The following DSP variants were observed in gnomAD, a reference collection of about 807,000 sequenced individuals.
DSP encodes desmoplakin, also known as 250/210 kDa paraneoplastic pemphigus antigen.
DSP carries 114 observed loss-of-function variants against 290.6 expected under a neutral mutation model. The ratio of observed to expected loss-of-function variants is 0.39; its 90% CI spans 0.34 to 0.46. DSP has a LOEUF of 0.46. DSP is among the 20% of genes least tolerant of loss of function. DSP has a pLI of 0.99. For synonymous variants in DSP, 1,311 were observed against 1,316.4 expected, an observed-to-expected ratio of 1.00 and a Z score of 0.09; for missense variants, 3,230 against 3,495.8, an observed-to-expected ratio of 0.92 and a Z score of 1.92.
chr6:7,554,597 A>G (rs1247638859), intron 1 of DSP, among the ~76,000 whole-genome samples: 3 of 152,098 alleles, frequency 2.0e-5, no homozygotes, highest in African/African-American at 7.2e-5. Context: ...TCTTCACACC[A>G]TGATTTTTAA....
In DSP at chr6:7,574,182, CA is replaced by C; in HGVS notation, c.2228del (p.Gln743ArgfsTer22). The C allele has an allele frequency of 6.2e-7, 1 of 1,614,008 alleles. No individual in the cohort carries two copies. The highest frequency in any genetic ancestry group is 8.5e-7 in the Non-Finnish European group (1 of 1,179,914). On this transcript the variant is annotated frameshift_variant, in exon 16 of 24. Transcript: ENST00000379802. LOFTEE classifies it high-confidence loss of function. ...AGGTTCTGAAAAGTACTGCTATTTA[CA>C]GAATGAAGTATTTGGACTATTTCAG... ...FRGSEKYCYLQNEVFGLFQKL... is the reference protein window; with the variant it reads ...FRGSEKYCYLXNEVFGLFQKL...
intron 15 of DSP, 117 bp downstream of exon 15, chr6:7,572,185 C>A: frequency 1.1e-6 from 1 of 951,194 alleles, no homozygotes; most frequent in Admixed American, 2.1e-5. Context: ...TTCAAGAAAA[C>A]AGGCTTCTGG....
intron 4 of DSP, among the ~76,000 whole-genome samples, chr6:7,559,920 G>A (rs532046357): frequency 6.6e-6 from 1 of 152,340 alleles, no homozygotes; most frequent in African/African-American, 2.4e-5. Context: ...TGAAGTCTCA[G>A]TTGTCTCATT....
intron 1 of DSP, among the ~76,000 whole-genome samples, chr6:7,551,396 G>A (rs1758338437): frequency 6.6e-6 from 1 of 152,190 alleles, no homozygotes; most frequent in African/African-American, 2.4e-5. Flanking sequence ...GGAGGCCAAG[G>A]CGGGTGGATC....
In DSP at chr6:7,585,713, C is replaced by A; in HGVS notation, c.8451C>A (p.Tyr2817Ter). The A allele has an allele frequency of 1.2e-6, 2 of 1,613,514 alleles. No individual in the cohort carries two copies. The highest frequency in any genetic ancestry group is 1.7e-6 in the Non-Finnish European group (2 of 1,179,702). ...SVSSKGLPSP[Y>*]NMSSAPGSRS... ...CGTCCAAGGGCTTACCCAGCCCTTA[C>A]AACATGTCTTCGGCTCCGGGGTCCC... The change falls in exon 24 of 24, where the codon TAC (tyrosine) becomes TAA (stop). Residue 2817 changes from tyrosine (Y) to a stop codon, truncating the protein, a stop_gained. Transcript: ENST00000379802. LOFTEE classifies it high-confidence loss of function.
Position 7,584,997 on chromosome 6 carries a change from G to A in DSP, c.7735G>A (p.Asp2579Asn), listed in dbSNP as rs750744914. The A allele has an allele frequency of 3.7e-6, 6 of 1,614,208 alleles. No homozygotes were observed. The highest frequency in any genetic ancestry group is 4.2e-6 in the Non-Finnish European group (5 of 1,180,040). ...CAGCAGCATGGGCAGTGGTGTCAGC[G>A]ATGATGTTTTTAGCAGCTCCCGACA... ...TSSSMGSGVS[D>N]DVFSSSRHES... is the part of the protein sequence containing the mutation. Residue 2579 changes from aspartate (D) to asparagine (N), a missense_variant, in exon 24 of 24, where the codon GAT (aspartate) becomes AAT (asparagine). By Grantham distance (23) the Asp-to-Asn change is conservative. This residue lies in a region of DSP where 582 missense variants were observed against 555.4 expected (regional missense o/e 1.05). Coordinates refer to ENST00000379802, the MANE Select transcript of DSP (RefSeq NM_004415.4). The surrounding 1 kb of genome is among the most constrained non-coding windows in gnomAD (Gnocchi z 6.4).
rs1758818956 is a variant in DSP at position 7,565,122 on chromosome 6, T to C, written c.778-237T>C. On this transcript the variant is annotated intron_variant, in intron 6 of 23. Transcript: ENST00000379802. The surrounding 1 kb of genome is among the most constrained non-coding windows in gnomAD (Gnocchi z 4.2). ...TCGCTCATGCCACTGCACTCCAGCC[T>C]GGGAGACGAGAGCGACAGTCCGTCT... 6.6e-6 allele frequency among the ~76,000 whole-genome samples: 1 copy of C among 151,948 alleles called. No individual in the cohort carries two copies. Among genetic ancestry groups the C allele is most frequent in the African/African-American group, 2.4e-5 (1 of 41,348 alleles).
chr6:7,582,537 C>CTT lies in DSP; in HGVS notation c.5380-96_5380-95dup. 14 of 908,234 alleles carry CTT rather than the reference C, an allele frequency of 1.5e-5. No individual in the cohort carries two copies. The highest frequency in any genetic ancestry group is 1.8e-5 in the South Asian group (1 of 55,566). 56.3% of individuals were successfully genotyped at this position (908,234 alleles called of 1,614,324 possible). On this transcript the variant is annotated intron_variant, in intron 23 of 23. Coordinates refer to ENST00000379802, the MANE Select transcript of DSP (RefSeq NM_004415.4). This position sits in a 1 kb window ranked among gnomAD's most constrained non-coding sequence, Gnocchi z 4.2. The stretch of plus-strand genomic sequence containing the variant: ...ATATAGAAAGAAAAAATAAGCAAGG[C>CTT]TTTTTTTTTTAAAGATAGATACACA...
In DSP at chr6:7,569,949, A is replaced by T. The variant is rs535244002; in HGVS notation, c.1575-488A>T. Among the ~76,000 whole-genome samples, 30 of 152,362 alleles carry T rather than the reference A, an allele frequency of 2.0e-4. No homozygotes were observed. In the South Asian group the frequency reaches 6.0e-3, roughly 30 times the overall value. On this transcript the variant is annotated intron_variant, in intron 12 of 23. Coordinates refer to ENST00000379802, the MANE Select transcript of DSP (RefSeq NM_004415.4). ...TTTCTTAGAAAATCAGTTGTTATAC[A>T]TGTAGCTACAAATATAAAATGCCTT...
At chr6:7,561,464 AGG>A (rs1302821670) in intron 4 of DSP, among the ~76,000 whole-genome samples, 4 of 152,140 alleles carry the variant, frequency 2.6e-5, no homozygotes, top group African/African-American at 9.7e-5. Flanking sequence ...CCAGCTGATA[AGG>A]GAACTGTTGC....
At chr6:7,578,683 G>T (rs1330279258) in intron 22 of DSP, 121 bp downstream of exon 22, 22 of 828,844 alleles carry the variant, frequency 2.7e-5, no homozygotes, top group Non-Finnish European at 4.4e-5. Context: ...TCCTCTAAAG[G>T]TTTAGTGTAA....
rs746675465 is a variant in DSP, at chr6:7,577,793, G to A, written c.2892G>A (p.Gln964=). The change falls in exon 21 of 24, where the codon CAG becomes CAA. Residue 964 remains glutamine (Q), a synonymous_variant. Transcript: ENST00000379802. ...TTATGCTGCAGGATTATGAGCTCCA[G>A]CTGGCCTCATACACCTCAGGACTGG... ...CANSIKDYEL[Q]LASYTSGLET... 4 of 1,613,864 alleles carry A rather than the reference G, an allele frequency of 2.5e-6. No individual in the cohort carries two copies. The highest frequency in any genetic ancestry group is 2.2e-5 in the South Asian group (2 of 91,080).
chr6:7,557,775 C>G lies in DSP; in HGVS notation c.274-341C>G, dbSNP rs960087450. Among the ~76,000 whole-genome samples, 4 of 46,492 alleles carry G rather than the reference C, an allele frequency of 8.6e-5. No individual in the cohort carries two copies. The African/African-American group carries it at 8.8e-4, about 10-fold the overall frequency. The allele number at this position is 46,492 out of a possible 152,430, so 30.5% of individuals were successfully genotyped here. ...TGCATAAGAGGCCCCATCTGTACCACTGTACCATAATGGTACAGTGTCCTT... is the reference window on the plus strand; with the variant it reads ...TGCATAAGAGGCCCCATCTGTACCAGTGTACCATAATGGTACAGTGTCCTT... On this transcript the variant is annotated intron_variant, in intron 2 of 23. Coordinates refer to ENST00000379802, the MANE Select transcript of DSP (RefSeq NM_004415.4).
rs921332894 is a variant in DSP at position 7,562,731 on chromosome 6, A to G, written c.677A>G (p.Asn226Ser). ...QHINSHRGIH[N>S]SIGDYRWQLD... Reference sequence around the variant, plus strand: ...ATTAACAGCCACCGGGGCATCCACAACTCCATCGGCGACTATCGCTGGCAG... The same window carrying G: ...ATTAACAGCCACCGGGGCATCCACAGCTCCATCGGCGACTATCGCTGGCAG... Residue 226 changes from asparagine to serine, a missense_variant, in exon 5 of 24, where the codon AAC (asparagine) becomes AGC (serine). Physicochemically the swap from Asn to Ser is conservative, Grantham distance 46. Around this residue, in one of 5 missense-constraint regions of DSP, gnomAD observed 646 missense variants for 684.3 expected, o/e 0.94. Coordinates refer to ENST00000379802, the MANE Select transcript of DSP (RefSeq NM_004415.4). 3 of 1,613,736 alleles carry G rather than the reference A, an allele frequency of 1.9e-6. No homozygotes were observed. In the African/African-American group the frequency reaches 4.0e-5, roughly 22 times the overall value.
intron 14 of DSP, 38 bp from the exon 15 acceptor site, chr6:7,571,804 T>A (rs759180628): frequency 1.3e-6 from 2 of 1,597,944 alleles, no homozygotes; most frequent in Admixed American, 3.3e-5. Flanking sequence ...GATACCTAGG[T>A]ATTCTCTGAT....
chr6:7,572,293 C>T (rs984038329), intron 15 of DSP, among the ~76,000 whole-genome samples: 1 of 152,144 alleles, frequency 6.6e-6, no homozygotes, highest in Non-Finnish European at 1.5e-5. Flanking sequence ...GGCTACCGTC[C>T]ATCTCAAAAG....
intron 1 of DSP, among the ~76,000 whole-genome samples, chr6:7,554,123 A>ACACACACACACACACACC (rs1364448993): frequency 2.0e-5 from 3 of 150,758 alleles, no homozygotes; most frequent in African/African-American, 4.9e-5. Flanking sequence ...ACACACACAC[A>ACACACACACACACACACC]CACCCAGTTG....
intron 1 of DSP, among the ~76,000 whole-genome samples, chr6:7,548,299 TAAC>T (rs1364639529): frequency 6.6e-6 from 1 of 151,576 alleles, no homozygotes; most frequent in Non-Finnish European, 1.5e-5. Flanking sequence ...TTCAGAACCA[TAAC>T]AACAGCAGCA....
At chr6:7,551,754 T>G (rs1468522698) in intron 1 of DSP, among the ~76,000 whole-genome samples, 1 of 152,234 alleles carries the variant, frequency 6.6e-6, no homozygotes, top group African/African-American at 2.4e-5. Flanking sequence ...CGAAATCATT[T>G]CCGCTGAACT....
Sources: allele counts gnomAD v4.1 joint callset (sites outside exome capture counted in the v4.1 genomes callset), GRCh38; gene constraint gnomAD v4.1.1; regional missense constraint gnomAD v4.1.1; non-coding constraint Gnocchi (gnomAD v3.1); transcripts MANE v1.5; gene names NCBI Gene and HGNC (gene_info 2026-07-23, HGNC 2026-07-21).